Variants in FBLN2 observed in about 807,000 individuals in gnomAD.
The protein encoded by FBLN2 is fibulin 2, also known as fibulin-2.
Under a neutral mutation model 123.7 loss-of-function variants are expected in FBLN2, and 81 were observed. That is an observed-to-expected ratio of 0.65 (90% confidence interval 0.55 to 0.79). The LOEUF (loss-of-function observed/expected upper bound fraction) is 0.79. Ranked by LOEUF, FBLN2 falls within the 30% of genes least tolerant of loss-of-function variation. The pLI, the probability that FBLN2 is intolerant of heterozygous loss-of-function variation, is 0.00. For missense variants in FBLN2, 1,603 were observed against 1,681.3 expected (o/e 0.95, Z 0.81); for synonymous variants, 699 against 701.4 (o/e 1.00, Z 0.05).
Position 13,637,716 on chromosome 3 carries a change from G to T in FBLN2, c.3493G>T (p.Ala1165Ser), listed in dbSNP as rs750171159. Residue 1165 changes from alanine (A) to serine (S), a missense_variant, in exon 18 of 18, where the codon GCC (alanine) becomes TCC (serine). Transcript: ENST00000404922. ...GCCAGCCTTCACGGGGGACACCATC[G>T]CCCTGAACATCATCAAGGGCAATGA... Reference protein sequence around the residue: ...PAPAFTGDTIALNIIKGNEEG... With the variant: ...PAPAFTGDTISLNIIKGNEEG... The T allele has an allele frequency of 6.2e-7, 1 of 1,614,004 alleles. No individual in the cohort carries two copies. The highest frequency in any genetic ancestry group is 8.5e-7 in the Non-Finnish European group (1 of 1,179,874).
intron 2 of FBLN2, among the ~76,000 whole-genome samples, chr3:13,596,200 T>C (rs1215540298): frequency 6.6e-6 from 1 of 152,174 alleles, no homozygotes; most frequent in African/African-American, 2.4e-5. Flanking sequence ...GGCAGTGGCG[T>C]GATCACTGCT....
intron 2 of FBLN2, among the ~76,000 whole-genome samples, chr3:13,597,130 C>CT (rs1215795335): frequency 6.6e-6 from 1 of 152,106 alleles, no homozygotes; most frequent in African/African-American, 2.4e-5. Flanking sequence ...TGGAGTCTGG[C>CT]TGTGTTTCCC....
In FBLN2 at chr3:13,627,891, A is replaced by G; in HGVS notation, c.2491A>G (p.Thr831Ala). The change falls in exon 11 of 18, where the codon ACC becomes GCC. Residue 831 changes from threonine (T) to alanine (A), a missense_variant. Physicochemically the swap from Thr to Ala is moderately conservative, Grantham distance 58. Transcript: ENST00000404922. ...TCQPGFLCQN[T>A]KGSFYCQARQ... is the part of the protein sequence containing the mutation. ...CCAGCCGGGCTTCTTGTGCCAGAACACCAAGGGCTCCTTCTACTGCCAGGC... is the reference window on the plus strand; with the variant it reads ...CCAGCCGGGCTTCTTGTGCCAGAACGCCAAGGGCTCCTTCTACTGCCAGGC... The G allele has an allele frequency of 1.9e-6, 3 of 1,613,816 alleles. No homozygotes were observed. Among genetic ancestry groups the G allele is most frequent in the Non-Finnish European group, 2.5e-6 (3 of 1,179,836 alleles).
chr3:13,615,863 C>T (rs1203831724), intron 5 of FBLN2, among the ~76,000 whole-genome samples: 1 of 152,200 alleles, frequency 6.6e-6, no homozygotes, highest in African/African-American at 2.4e-5. Flanking sequence ...TTTATCTAGA[C>T]CCAGTCAGCC....
chr3:13,581,178 G>A (rs1704311564), intron 2 of FBLN2, among the ~76,000 whole-genome samples: 2 of 150,950 alleles, frequency 1.3e-5, no homozygotes, highest in Non-Finnish European at 3.0e-5. Flanking sequence ...GGTGCACCTG[G>A]GGGCCACACA....
intron 4 of FBLN2, 127 bp from the exon 5 acceptor site, chr3:13,613,836 CAGAGGACCCCTCTGCCCTGGG>C: frequency 1.3e-6 from 1 of 779,806 alleles, no homozygotes; most frequent in Non-Finnish European, 1.9e-6. Context: ...GAAATAGAGG[CAGAGGACCCCTCTGCCCTGGG>C]AGAGCGCATA....
chr3:13,587,781 T>G (rs1704556340), intron 2 of FBLN2, among the ~76,000 whole-genome samples: 1 of 152,240 alleles, frequency 6.6e-6, no homozygotes, highest in Non-Finnish European at 1.5e-5. Context: ...ACATCATTCC[T>G]TTCTATTGAT....
At chr3:13,609,112 G>C (rs1453423461) in intron 3 of FBLN2, among the ~76,000 whole-genome samples, 1 of 152,194 alleles carries the variant, frequency 6.6e-6, no homozygotes, top group African/African-American at 2.4e-5. Context: ...CAGCTGATTT[G>C]TCAGCCACCT....
intron 1 of FBLN2, among the ~76,000 whole-genome samples, chr3:13,553,803 C>T (rs755890197): frequency 3.3e-5 from 5 of 152,232 alleles, no homozygotes; most frequent in African/African-American, 4.8e-5. Context: ...CCACCTGTGC[C>T]GGGCCAGGGA....
chr3:13,609,679 TGGGGCGGGGC>T, intron 4 of FBLN2, 37 bp downstream of exon 4: 2 of 80,256 alleles, frequency 2.5e-5, no homozygotes, highest in Non-Finnish European at 4.4e-5. Flanking sequence ...CAGGGTGGGG[TGGGGCGGGGC>T]GGGAGGCTGG....
At chr3:13,573,690 G>A (rs1574952716) in intron 2 of FBLN2, among the ~76,000 whole-genome samples, 1 of 152,088 alleles carries the variant, frequency 6.6e-6, no homozygotes, top group Non-Finnish European at 1.5e-5. Flanking sequence ...GGTCACCAGA[G>A]GTCAGGAGTT....
intron 2 of FBLN2, among the ~76,000 whole-genome samples, chr3:13,601,078 A>G (rs2124870283): frequency 6.6e-6 from 1 of 152,308 alleles, no homozygotes; most frequent in South Asian, 2.1e-4. Flanking sequence ...CTCATCTGTG[A>G]AATAGGAATG....
chr3:13,637,183 G>C (rs1353396010), intron 17 of FBLN2, among the ~76,000 whole-genome samples: 1 of 152,196 alleles, frequency 6.6e-6, no homozygotes, highest in East Asian at 1.9e-4. Context: ...GACCCTGGGA[G>C]GGACACTGGG....
At chr3:13,567,798 G>T (rs201217866) in intron 1 of FBLN2, among the ~76,000 whole-genome samples, 1 of 51,000 alleles carries the variant, frequency 2.0e-5, no homozygotes, top group Admixed American at 2.2e-4. Flanking sequence ...TGAGACCCTT[G>T]TTAAAAAAAA....
At position 13,570,420 on chromosome 3, in the gene FBLN2, C is replaced by G. The variant is rs1312157460; in HGVS notation, c.65C>G (p.Pro22Arg). 2 of 1,574,540 alleles carry G rather than the reference C, an allele frequency of 1.3e-6. No individual in the cohort carries two copies. The highest frequency in any genetic ancestry group is 3.6e-5 in the Admixed American group (2 of 54,810). Residue 22 changes from proline to arginine, a missense_variant, in exon 2 of 18, where the codon CCC becomes CGC. Transcript: ENST00000404922. ...CTGGGCCTGGCCCTGGCCCTGGGCC[C>G]CAGCGTGGCCGCAGCTGCCCCTCGG... is the stretch of plus-strand genomic sequence containing the variant. ...LALGLALALG[P>R]SVAAAAPRQD...
chr3:13,621,799 C>T lies in FBLN2; in HGVS notation c.2180C>T (p.Ala727Val). ...CEDQDECLMG[A>V]HDCSRRQFCV... ...GACCAAGACGAGTGCCTGATGGGTG[C>T]TCACGATTGTAGCCGGCGACAGTTC... is the stretch of plus-strand genomic sequence containing the variant. Residue 727 changes from alanine (A) to valine (V), a missense_variant, in exon 9 of 18, where the codon GCT becomes GTT. By Grantham distance (64) the Ala-to-Val change is moderately conservative. Coordinates refer to ENST00000404922, the MANE Select transcript of FBLN2 (RefSeq NM_001004019.2). 6.2e-7 allele frequency: 1 copy of T among 1,614,044 alleles called. No individual in the cohort carries two copies. Among genetic ancestry groups the T allele is most frequent in the Non-Finnish European group, 8.5e-7 (1 of 1,179,898 alleles).
chr3:13,577,174 G>C (rs916804054), intron 2 of FBLN2, among the ~76,000 whole-genome samples: 5 of 148,078 alleles, frequency 3.4e-5, no homozygotes, highest in Admixed American at 2.7e-4. Context: ...AGTGAGCCGA[G>C]ATTGCGCCAC....
intron 4 of FBLN2, among the ~76,000 whole-genome samples, chr3:13,611,827 A>G (rs982998890): frequency 1.3e-5 from 2 of 152,180 alleles, no homozygotes; most frequent in Non-Finnish European, 2.9e-5. Flanking sequence ...TCCTGGCTAC[A>G]TCTAGCTGCA....
chr3:13,621,966 C>A, intron 9 of FBLN2, 51 bp downstream of exon 9: 2 of 1,585,824 alleles, frequency 1.3e-6, no homozygotes, highest in South Asian at 2.3e-5. Flanking sequence ...CCGCTCTGCT[C>A]CACGCCAAGC....
Sources: gnomAD v4.1 joint callset for allele counts (sites outside exome capture counted in the v4.1 genomes callset) on GRCh38, gnomAD v4.1.1 for gene constraint, MANE v1.5 for transcripts, NCBI Gene and HGNC (gene_info 2026-07-23, HGNC 2026-07-21) for gene names.